The following RECK variants were observed in gnomAD, a reference collection of about 807,000 sequenced individuals.
RECK encodes reversion-inducing cysteine-rich protein with Kazal motifs.
In RECK, 69 loss-of-function variants were observed where a neutral mutation model predicts 115.1. That is an observed-to-expected ratio of 0.60 (90% CI 0.49 to 0.73). RECK has a LOEUF of 0.73. RECK is among the 30% of genes least tolerant of loss of function. RECK has a pLI of 0.00. For synonymous variants in RECK, 414 were observed against 419.7 expected (o/e 0.99, Z 0.17); for missense variants, 1,047 against 1,203.7 (o/e 0.87, Z 1.93).
At chr9:36,069,113 A>G (rs536883866) in intron 6 of RECK, among the ~76,000 whole-genome samples, 29 of 152,320 alleles carry the variant, frequency 1.9e-4, no homozygotes, top group African/African-American at 7.0e-4. Flanking sequence ...CTCACCAGAA[A>G]ACATGATTTG....
intron 10 of RECK, among the ~76,000 whole-genome samples, chr9:36,093,493 A>T (rs1391598550): frequency 1.3e-5 from 2 of 152,192 alleles, no homozygotes; most frequent in East Asian, 3.8e-4. Flanking sequence ...TGGAAACTCT[A>T]AAACTGAGAA....
chr9:36,100,212 T>A (rs1242696074), intron 10 of RECK, 119 bp from the exon 11 acceptor site: 3 of 696,262 alleles, frequency 4.3e-6, no homozygotes, highest in Non-Finnish European at 7.4e-6. Context: ...TCATGGGTTG[T>A]ATGTGCTTTC....
intron 6 of RECK, among the ~76,000 whole-genome samples, chr9:36,067,339 C>T (rs1158898935): frequency 6.6e-6 from 1 of 152,052 alleles, no homozygotes; most frequent in East Asian, 1.9e-4. Flanking sequence ...ATGTATGAGC[C>T]ATTTCTATAG....
In RECK at chr9:36,083,493, A is replaced by T. The variant is rs1822814424; in HGVS notation, c.568A>T (p.Ile190Phe). The T allele has an allele frequency of 6.2e-7, 1 of 1,614,060 alleles. No individual in the cohort carries two copies. The highest frequency in any genetic ancestry group is 8.5e-7 in the Non-Finnish European group (1 of 1,179,966). The change falls in exon 8 of 21, where the codon ATT becomes TTT. Residue 190 changes from isoleucine (I) to phenylalanine (F), a missense_variant. Coordinates refer to ENST00000377966, the MANE Select transcript of RECK (RefSeq NM_021111.3). ...IKAVENYCAS[I>F]SPQLIHCVNN... ...AGCAGTGGAAAATTATTGCGCCTCT[A>T]TTAGTCCACAATTAATACATTGTGT...
intron 3 of RECK, 31 bp from the exon 4 acceptor site, chr9:36,060,088 C>T: frequency 1.9e-6 from 3 of 1,607,586 alleles, no homozygotes; most frequent in Admixed American, 1.7e-5. Context: ...TGGTTATCTA[C>T]ATAAAAGCCT....
At chr9:36,055,935 CCT>C (rs573626456) in intron 2 of RECK, among the ~76,000 whole-genome samples, 5 of 151,984 alleles carry the variant, frequency 3.3e-5, no homozygotes, top group Admixed American at 6.6e-5. Context: ...GTTTTTTCTT[CCT>C]CTTTCTCTTT....
At chr9:36,071,698 TAGG>T in intron 6 of RECK, among the ~76,000 whole-genome samples, 1 of 152,166 alleles carries the variant, frequency 6.6e-6, no homozygotes, top group Non-Finnish European at 1.5e-5. Context: ...GGAAAGTTAG[TAGG>T]GGGTATTTTT....
chr9:36,095,887 A>G (rs1422387533), intron 10 of RECK, among the ~76,000 whole-genome samples: 2 of 146,302 alleles, frequency 1.4e-5, no homozygotes, highest in Admixed American at 7.0e-5. Context: ...CCTGGCCAAC[A>G]TGGTGAAACC....
chr9:36,083,687 AT>A, intron 8 of RECK, 125 bp downstream of exon 8: 1 of 1,062,706 alleles, frequency 9.4e-7, no homozygotes, highest in Non-Finnish European at 1.3e-6. Context: ...TTCCTTTGGT[AT>A]TTAGATTTGG....
rs112063952 is a variant in RECK at position 36,104,582 on chromosome 9, C to T, written c.1436-561C>T. On this transcript the variant is annotated intron_variant, in intron 12 of 20. Transcript: ENST00000377966. Reference sequence around the variant, plus strand: ...TGGAGTGCAGTGATGTGATCTCGGCCCACTGCAACATCTGCCTCCCGGGTT... The same window carrying T: ...TGGAGTGCAGTGATGTGATCTCGGCTCACTGCAACATCTGCCTCCCGGGTT... Among the ~76,000 whole-genome samples, 724 of 150,026 alleles carry T rather than the reference C, an allele frequency of 4.8e-3. 4 individuals are homozygous for T. Among genetic ancestry groups the T allele is most frequent in the African/African-American group, 0.017 (683 of 40,850 alleles).
chr9:36,121,428 T>A, intron 19 of RECK, 105 bp from the exon 20 acceptor site: 7 of 1,059,600 alleles, frequency 6.6e-6, no homozygotes, highest in Non-Finnish European at 8.2e-6. Context: ...CGCTGAGGGC[T>A]GTGCGGTCAA....
At chr9:36,037,263 G>A (rs1028644869) in intron 1 of RECK, among the ~76,000 whole-genome samples, 165 bp downstream of exon 1, 1 of 151,726 alleles carries the variant, frequency 6.6e-6, no homozygotes, top group African/African-American at 2.4e-5. Context: ...TGGTGCCGAG[G>A]CGGGGCGAGT....
rs1407162670 is a variant in RECK at position 36,100,493 on chromosome 9, A to C, written c.1248A>C (p.Ser416=). 7 of 1,614,136 alleles carry C rather than the reference A, an allele frequency of 4.3e-6. No homozygotes were observed. The South Asian group carries it at 7.7e-5, about 18-fold the overall frequency. ...QPEMWKAIAC[S]LQIKPCHSKS... ...AGATGTGGAAAGCAATAGCTTGTTC[A>C]CTGCAGATTAAACCTTGTCATAGTA... Residue 416 remains serine, a synonymous_variant, in exon 11 of 21, where the codon TCA becomes TCC. Coordinates refer to ENST00000377966, the MANE Select transcript of RECK (RefSeq NM_021111.3).
intron 6 of RECK, among the ~76,000 whole-genome samples, chr9:36,070,038 G>A (rs1354375757): frequency 6.6e-6 from 1 of 152,138 alleles, no homozygotes; most frequent in Non-Finnish European, 1.5e-5. Context: ...GTTCTAAACA[G>A]CTAAAACAAA....
chr9:36,059,716 T>C (rs1821682553), intron 3 of RECK, among the ~76,000 whole-genome samples: 1 of 152,206 alleles, frequency 6.6e-6, no homozygotes, highest in South Asian at 2.1e-4. Context: ...GGGATGCTCA[T>C]GTGCCAGACC....
intron 6 of RECK, among the ~76,000 whole-genome samples, chr9:36,079,143 C>T (rs1215931812): frequency 3.3e-5 from 5 of 152,190 alleles, no homozygotes; most frequent in African/African-American, 4.8e-5. Flanking sequence ...GATCCTCCCA[C>T]CTCGGCCTCC....
chr9:36,050,086 G>A (rs1335714758), intron 1 of RECK, among the ~76,000 whole-genome samples: 6 of 152,144 alleles, frequency 3.9e-5, no homozygotes, highest in African/African-American at 1.4e-4. Context: ...TCCTTCCCCA[G>A]ATGCCATCAT....
At chr9:36,093,793 A>G (rs1281214453) in intron 10 of RECK, among the ~76,000 whole-genome samples, 1 of 152,210 alleles carries the variant, frequency 6.6e-6, no homozygotes, top group Non-Finnish European at 1.5e-5. Flanking sequence ...AGACACACCT[A>G]GCACATTATA....
chr9:36,097,919 C>T (rs1471009171), intron 10 of RECK, among the ~76,000 whole-genome samples: 1 of 152,092 alleles, frequency 6.6e-6, no homozygotes, highest in Non-Finnish European at 1.5e-5. Flanking sequence ...TAAAATAAGC[C>T]AGGCACAGAA....
Sources: allele counts gnomAD v4.1 joint callset (sites outside exome capture counted in the v4.1 genomes callset), GRCh38; gene constraint gnomAD v4.1.1; transcripts MANE v1.5; gene names NCBI Gene and HGNC (gene_info 2026-07-23, HGNC 2026-07-21).